The following DCDC2 variants were observed in gnomAD, a reference collection of about 807,000 sequenced individuals.
The protein encoded by DCDC2 is doublecortin domain containing 2.
Under a neutral mutation model 50.2 loss-of-function variants are expected in DCDC2, and 40 were observed. The observed-to-expected ratio is 0.80, with a 90% CI of 0.62 to 1.04. The LOEUF (loss-of-function observed/expected upper bound fraction) is 1.04. Ranked by LOEUF, DCDC2 falls within the 50% of genes least tolerant of loss-of-function variation. The pLI, the probability that DCDC2 is intolerant of heterozygous loss-of-function variation, is 0.00. For missense variants in DCDC2, 570 were observed against 581.9 expected, an observed-to-expected ratio of 0.98 and a Z score of 0.21; for synonymous variants, 234 against 210.6, an observed-to-expected ratio of 1.11 and a Z score of -0.96.
intron 8 of DCDC2, among the ~76,000 whole-genome samples, chr6:24,187,552 T>C (rs1761231492): frequency 6.6e-6 from 1 of 152,224 alleles, no homozygotes; most frequent in Non-Finnish European, 1.5e-5. Context: ...TAAATTGCTA[T>C]TGAGTAGATA....
chr6:24,364,438 A>G, the DCDC2 span, among the ~76,000 whole-genome samples: 1 of 152,138 alleles, frequency 6.6e-6, no homozygotes, highest in Admixed American at 6.5e-5. Context: ...ATGCCTGGCT[A>G]CGTAATTACA....
chr6:24,351,156 C>T (rs1033073370), intron 2 of DCDC2, among the ~76,000 whole-genome samples: 1 of 152,166 alleles, frequency 6.6e-6, no homozygotes, highest in Non-Finnish European at 1.5e-5. Context: ...TTTCATAGTT[C>T]CCTTTTGAGA....
At chr6:24,203,804 A>C (rs1016646538) in intron 8 of DCDC2, among the ~76,000 whole-genome samples, 2 of 148,992 alleles carry the variant, frequency 1.3e-5, no homozygotes, top group African/African-American at 2.5e-5. Context: ...AAAAACAAAC[A>C]AACCCATCAA....
At chr6:24,189,213 G>C (rs1399506791) in intron 8 of DCDC2, among the ~76,000 whole-genome samples, 1 of 152,088 alleles carries the variant, frequency 6.6e-6, no homozygotes, top group Non-Finnish European at 1.5e-5. Flanking sequence ...GAAAAGGTCT[G>C]GTAGTTGTTT....
intron 7 of DCDC2, among the ~76,000 whole-genome samples, chr6:24,210,487 T>A (rs1467716041): frequency 6.6e-6 from 1 of 152,222 alleles, no homozygotes; most frequent in African/African-American, 2.4e-5. Flanking sequence ...GAATTATCTT[T>A]ATTTCCTCCT....
At chr6:24,281,215 G>A (rs1022767646) in intron 6 of DCDC2, among the ~76,000 whole-genome samples, 1 of 152,066 alleles carries the variant, frequency 6.6e-6, no homozygotes, top group African/African-American at 2.4e-5. Flanking sequence ...CATAGATTTT[G>A]CAGTTGACAC....
rs776581856 is a variant in DCDC2 at position 24,297,022 on chromosome 6, T to C, written c.557+4693A>G. On this transcript the variant is annotated intron_variant, in intron 4 of 9. Transcript: ENST00000378454. ...AAAGACCCATGCACACATATGTTCA[T>C]TGCAGCACTATTCACAGTAGCAAAG... 4.6e-5 allele frequency among the ~76,000 whole-genome samples: 7 copies of C among 152,332 alleles called. No homozygotes were observed. In the East Asian group the frequency reaches 9.6e-4, roughly 21 times the overall value.
intron 2 of DCDC2, among the ~76,000 whole-genome samples, chr6:24,328,448 G>A (rs139975097): frequency 6.6e-6 from 1 of 152,312 alleles, no homozygotes; most frequent in African/African-American, 2.4e-5. Flanking sequence ...GGCACAGGGG[G>A]AGTTTGTATA....
At position 24,275,798 on chromosome 6, in the gene DCDC2, G is replaced by A. The variant is rs1581625820; in HGVS notation, c.922+2251C>T. Among the ~76,000 whole-genome samples the A allele has an allele frequency of 5.3e-5, 8 of 150,044 alleles. 1 individual carries two copies. In the South Asian group the frequency reaches 1.7e-3, roughly 32 times the overall value. ...AATAAACACTTTTTTTTATCTTCAT[G>A]CCCACCAACACAAATGTTGTTAAAA... On this transcript the variant is annotated intron_variant, in intron 7 of 9. Coordinates refer to ENST00000378454, the MANE Select transcript of DCDC2 (RefSeq NM_016356.5).
At chr6:24,237,993 G>A (rs1275812601) in intron 7 of DCDC2, among the ~76,000 whole-genome samples, 1 of 148,722 alleles carries the variant, frequency 6.7e-6, no homozygotes, top group Non-Finnish European at 1.5e-5. Flanking sequence ...CCAAGTGATG[G>A]TTCAGATGTA....
intron 8 of DCDC2, among the ~76,000 whole-genome samples, chr6:24,181,479 T>G (rs1015113037): frequency 3.3e-5 from 5 of 152,124 alleles, no homozygotes; most frequent in Non-Finnish European, 7.4e-5. Flanking sequence ...GTTGTCATTA[T>G]AAAAACAGAA....
At position 24,216,431 on chromosome 6, in the gene DCDC2, A is replaced by T. The variant is rs74485369; in HGVS notation, c.923-11329T>A. Among the ~76,000 whole-genome samples, 1,183 of 152,340 alleles carry T rather than the reference A, an allele frequency of 7.8e-3. 10 individuals carry two copies. The highest frequency in any genetic ancestry group is 0.026 in the African/African-American group (1,070 of 41,586). On this transcript the variant is annotated intron_variant, in intron 7 of 9. Transcript: ENST00000378454. Reference sequence around the variant, plus strand: ...GTCCCGCCATTTGGGGATCCCCTTGATCTGGTCACCTAAGTAACAGTAATT... The same window carrying T: ...GTCCCGCCATTTGGGGATCCCCTTGTTCTGGTCACCTAAGTAACAGTAATT...
intron 6 of DCDC2, among the ~76,000 whole-genome samples, chr6:24,287,796 A>T (rs1352772502): frequency 6.6e-6 from 1 of 152,114 alleles, no homozygotes; most frequent in Non-Finnish European, 1.5e-5. Context: ...CCTCCCTCTC[A>T]TGGTCACCAA....
At chr6:24,239,284 A>G (rs1194691682) in intron 7 of DCDC2, among the ~76,000 whole-genome samples, 2 of 152,164 alleles carry the variant, frequency 1.3e-5, no homozygotes, top group South Asian at 2.1e-4. Context: ...CAAAAGGAAG[A>G]AGGACAGGAT....
At chr6:24,212,360 C>T (rs1306211772) in intron 7 of DCDC2, among the ~76,000 whole-genome samples, 1 of 152,144 alleles carries the variant, frequency 6.6e-6, no homozygotes, top group African/African-American at 2.4e-5. Flanking sequence ...TTCAGATACC[C>T]TCTGCTCCTC....
At chr6:24,360,896 A>G (rs1760655246), upstream of DCDC2, among the ~76,000 whole-genome samples, 1 of 152,176 alleles carries the variant, frequency 6.6e-6, no homozygotes, top group Admixed American at 6.5e-5. Flanking sequence ...AAGGGTAGAG[A>G]AATCAAAGAC....
Position 24,186,542 on chromosome 6 carries a change from A to T in DCDC2, c.1024-7910T>A, listed in dbSNP as rs577744869. Reference sequence around the variant, plus strand: ...AGAACAGTGGTCCCCTCAGTAGCTGAAAAACTGGTCGCCATGGTAACAAGG... The same window carrying T: ...AGAACAGTGGTCCCCTCAGTAGCTGTAAAACTGGTCGCCATGGTAACAAGG... On this transcript the variant is annotated intron_variant, in intron 8 of 9. Transcript: ENST00000378454. Among the ~76,000 whole-genome samples, 12 of 152,326 alleles carry T rather than the reference A, an allele frequency of 7.9e-5. No homozygotes were observed. In the East Asian group the frequency reaches 2.3e-3, roughly 29 times the overall value.
Position 24,289,243 on chromosome 6 carries a change from A to AT in DCDC2, c.705-338dup, listed in dbSNP as rs1763685602. The stretch of plus-strand genomic sequence containing the variant: ...AAATCATTTCCAAATGTGAATAATG[A>AT]TTTTTCCAGACTGAGTTAAAAACAA... On this transcript the variant is annotated intron_variant, in intron 5 of 9. Coordinates refer to ENST00000378454, the MANE Select transcript of DCDC2 (RefSeq NM_016356.5). 2.0e-5 allele frequency among the ~76,000 whole-genome samples: 3 copies of AT among 152,308 alleles called. No homozygotes were observed. The South Asian group carries it at 6.2e-4, about 32-fold the overall frequency.
chr6:24,202,638 T>A (rs2113759746), intron 8 of DCDC2, among the ~76,000 whole-genome samples: 1 of 152,186 alleles, frequency 6.6e-6, no homozygotes, highest in South Asian at 2.1e-4. Context: ...GCCAGGGCAA[T>A]CAGGCAAGAG....
Sources: gnomAD v4.1 joint callset for allele counts (sites outside exome capture counted in the v4.1 genomes callset) on GRCh38, gnomAD v4.1.1 for gene constraint, MANE v1.5 for transcripts, NCBI Gene and HGNC (gene_info 2026-07-23, HGNC 2026-07-21) for gene names.